The following NR6A1 variants were observed in gnomAD, a reference collection of about 807,000 sequenced individuals.
The protein encoded by NR6A1 is nuclear receptor subfamily 6 group A member 1, also known as retinoic acid receptor-related testis-associated receptor.
In NR6A1, 7 loss-of-function variants were observed where a neutral mutation model predicts 59.1. The observed-to-expected ratio is 0.12, with a 90% CI of 0.07 to 0.22. The LOEUF (loss-of-function observed/expected upper bound fraction) is 0.22, where lower values mean the gene tolerates loss of function less well. Ranked by LOEUF, NR6A1 falls within the 10% of genes least tolerant of loss-of-function variation. NR6A1 has a pLI of 1.00. For synonymous variants in NR6A1, 243 were observed against 236.1 expected (o/e 1.03, Z -0.27); for missense variants, 468 against 611.6 (o/e 0.77, Z 2.48).
rs995536882 is a variant in NR6A1, at chr9:124,603,574, C to CAGT, written c.143-49007_143-49005dup. Among the ~76,000 whole-genome samples, 3 of 152,288 alleles carry CAGT rather than the reference C, an allele frequency of 2.0e-5. No homozygotes were observed. The East Asian group carries it at 5.8e-4, about 29-fold the overall frequency. ...TATGTCATTTGCTGGGTTCCTGCAT[C>CAGT]AGTGTAGAACCACCTGTTGCTGACG... On this transcript the variant is annotated intron_variant, in intron 2 of 9. Coordinates refer to ENST00000487099, the MANE Select transcript of NR6A1 (RefSeq NM_033334.4).
intron 7 of NR6A1, among the ~76,000 whole-genome samples, chr9:124,530,577 C>T (rs2131331527): frequency 6.6e-6 from 1 of 152,308 alleles, no homozygotes; most frequent in Admixed American, 6.5e-5. Flanking sequence ...CAGGATCCCC[C>T]AAACCACTGG....
chr9:124,538,655 TA>T (rs1208431391), intron 5 of NR6A1, among the ~76,000 whole-genome samples: 2 of 152,248 alleles, frequency 1.3e-5, no homozygotes, highest in East Asian at 3.9e-4. Flanking sequence ...GATGACAAAG[TA>T]GGTATTTATA....
At position 124,665,528 on chromosome 9, in the gene NR6A1, T is replaced by A. The variant is rs542685202; in HGVS notation, c.142+67780A>T. Among the ~76,000 whole-genome samples, 11 of 152,312 alleles carry A rather than the reference T, an allele frequency of 7.2e-5. 1 individual carries two copies. The South Asian group carries it at 1.4e-3, about 20-fold the overall frequency. On this transcript the variant is annotated intron_variant, in intron 2 of 9. Transcript: ENST00000487099. ...TTTTAATAGATGTTTAAGAACAAGA[T>A]AATTTCTGGAGAGGATGAAATAAAG...
intron 8 of NR6A1, among the ~76,000 whole-genome samples, chr9:124,525,383 T>A (rs1485795149): frequency 6.6e-6 from 1 of 151,642 alleles, no homozygotes. Flanking sequence ...CCATTTTTTT[T>A]AGATAGGGTC....
At chr9:124,759,832 G>A (rs1387383792) in intron 1 of NR6A1, among the ~76,000 whole-genome samples, 1 of 152,116 alleles carries the variant, frequency 6.6e-6, no homozygotes, top group Non-Finnish European at 1.5e-5. Flanking sequence ...ATGAGATCAG[G>A]AGTTCGAGAC....
chr9:124,738,184 G>A (rs1293665534), intron 1 of NR6A1, among the ~76,000 whole-genome samples: 1 of 152,104 alleles, frequency 6.6e-6, no homozygotes, highest in Admixed American at 6.5e-5. Flanking sequence ...AACCTGGGAG[G>A]CGGAGGTTGC....
chr9:124,640,293 T>G (rs1019285078), intron 2 of NR6A1, among the ~76,000 whole-genome samples: 8 of 152,228 alleles, frequency 5.3e-5, no homozygotes, highest in Admixed American at 2.6e-4. Context: ...GAACATTCCT[T>G]TCTTTCATCA....
At chr9:124,675,620 G>A (rs534770583) in intron 2 of NR6A1, among the ~76,000 whole-genome samples, 1 of 152,296 alleles carries the variant, frequency 6.6e-6, no homozygotes, top group East Asian at 1.9e-4. Flanking sequence ...ACCCTCTTCT[G>A]CATGCCTGCT....
In NR6A1 at chr9:124,764,299, T is replaced by A. The variant is rs185798062; in HGVS notation, c.100+6721A>T. On this transcript the variant is annotated intron_variant, in intron 1 of 9. Transcript: ENST00000487099. ...CTAAAATGTTTCCTGAGCTCTAAACTATGGGATTACACCTGAAGGAAACAT... is the reference window on the plus strand; with the variant it reads ...CTAAAATGTTTCCTGAGCTCTAAACAATGGGATTACACCTGAAGGAAACAT... 3.9e-5 allele frequency among the ~76,000 whole-genome samples: 6 copies of A among 152,278 alleles called. No homozygotes were observed. In the East Asian group the frequency reaches 1.2e-3, roughly 29 times the overall value.
chr9:124,527,166 T>A (rs976245510), intron 7 of NR6A1, among the ~76,000 whole-genome samples: 1 of 152,208 alleles, frequency 6.6e-6, no homozygotes, highest in East Asian at 1.9e-4. Flanking sequence ...GGCAAGGTCA[T>A]CTGACCCCTC....
intron 2 of NR6A1, among the ~76,000 whole-genome samples, chr9:124,709,005 A>C (rs1839206981): frequency 6.6e-6 from 1 of 152,136 alleles, no homozygotes; most frequent in Non-Finnish European, 1.5e-5. Flanking sequence ...ACCTGAATAT[A>C]TCTCTCTTCT....
intron 1 of NR6A1, among the ~76,000 whole-genome samples, chr9:124,757,951 C>A (rs1160492981): frequency 6.6e-6 from 1 of 152,166 alleles, no homozygotes; most frequent in Non-Finnish European, 1.5e-5. Context: ...GTACGAAAAG[C>A]AAACTTATTT....
At chr9:124,765,146 T>C (rs1438301211) in intron 1 of NR6A1, among the ~76,000 whole-genome samples, 3 of 152,232 alleles carry the variant, frequency 2.0e-5, no homozygotes, top group African/African-American at 7.2e-5. Context: ...GTTTATTTAG[T>C]ATAAGACGTA....
chr9:124,539,964 G>C, intron 5 of NR6A1, 69 bp downstream of exon 5: 1 of 1,518,266 alleles, frequency 6.6e-7, no homozygotes, highest in South Asian at 1.3e-5. Context: ...CTCAGCCAGA[G>C]GTTTTCTGTA....
rs1838365950 is a variant in NR6A1, at chr9:124,687,291, A to ATTTATTTATTTATTTATTTATTTAT, written c.142+46016_142+46017insATAAATAAATAAATAAATAAATAAA. ...ACATGCCACCACAGCCAGCTAATTA[A>ATTTATTTATTTATTTATTTATTTAT]TTATTTATTTATTTATTTATTTATT... On this transcript the variant is annotated intron_variant, in intron 2 of 9. Coordinates refer to ENST00000487099, the MANE Select transcript of NR6A1 (RefSeq NM_033334.4). Among the ~76,000 whole-genome samples, 1,093 of 142,158 alleles carry ATTTATTTATTTATTTATTTATTTAT rather than the reference A, an allele frequency of 7.7e-3. 21 individuals carry two copies. The highest frequency in any genetic ancestry group is 0.028 in the African/African-American group (1,045 of 36,980). The allele number at this position is 142,158 out of a possible 152,430, so 93.3% of individuals were successfully genotyped here. A position where few individuals can be genotyped will look rare whatever the true frequency, so the allele number is the denominator to read the frequency against.
chr9:124,725,897 G>A (rs1839701878), intron 2 of NR6A1, among the ~76,000 whole-genome samples: 1 of 152,230 alleles, frequency 6.6e-6, no homozygotes, highest in African/African-American at 2.4e-5. Context: ...ATTATTTAAT[G>A]ATCAAAGTAT....
intron 2 of NR6A1, among the ~76,000 whole-genome samples, chr9:124,722,020 A>G (rs564882223): frequency 3.3e-5 from 5 of 152,206 alleles, no homozygotes; most frequent in Non-Finnish European, 7.3e-5. Flanking sequence ...CATGTGAAAC[A>G]TTCTGTGCAT....
At chr9:124,623,589 C>G (rs553025897) in intron 2 of NR6A1, among the ~76,000 whole-genome samples, 2 of 150,772 alleles carry the variant, frequency 1.3e-5, no homozygotes, top group African/African-American at 4.9e-5. Flanking sequence ...CTTCTGGGCT[C>G]GTGTGATGCT....
chr9:124,612,876 T>C (rs1035884458), intron 2 of NR6A1, among the ~76,000 whole-genome samples: 1 of 151,664 alleles, frequency 6.6e-6, no homozygotes, highest in Non-Finnish European at 1.5e-5. Flanking sequence ...TGGTACAACA[T>C]TTTGAGAGGT....
Sources: allele counts gnomAD v4.1 joint callset (sites outside exome capture counted in the v4.1 genomes callset), GRCh38; gene constraint gnomAD v4.1.1; transcripts MANE v1.5; gene names NCBI Gene and HGNC (gene_info 2026-07-23, HGNC 2026-07-21).